The following SYNE1 variants were observed in gnomAD, a reference collection of about 807,000 sequenced individuals.
SYNE1 encodes nesprin-1.
Under a neutral mutation model 1,111.0 loss-of-function variants are expected in SYNE1, and 616 were observed. The observed-to-expected ratio is 0.55, with a 90% CI of 0.52 to 0.59. The LOEUF (loss-of-function observed/expected upper bound fraction) is 0.59. Among genes scored for constraint, SYNE1 ranks in the 20% least tolerant of loss-of-function variants. The pLI is 0.00. For synonymous variants in SYNE1, 3,855 were observed against 3,825.8 expected (o/e 1.01, Z -0.28); for missense variants, 10,006 against 10,417.0 (o/e 0.96, Z 1.72).
At position 152,381,111 on chromosome 6, in the gene SYNE1, G is replaced by A. The variant is rs759151303; in HGVS notation, c.8904C>T (p.Ala2968=). Reference sequence around the variant, plus strand: ...TCAGAAGGGCACTGAACTGTTCCAGGGCCTGCTCCAGTTGAGCCACTTGGC... The same window carrying A: ...TCAGAAGGGCACTGAACTGTTCCAGAGCCTGCTCCAGTTGAGCCACTTGGC... ...FSGQVAQLEQ[A]LEQFSALLKT... The change falls in exon 56 of 146, where the codon GCC becomes GCT. Residue 2968 remains alanine (A), a synonymous_variant. Transcript: ENST00000367255. 1 of 1,614,156 alleles carries A rather than the reference G, an allele frequency of 6.2e-7. No homozygotes were observed. Among genetic ancestry groups the A allele is most frequent in the Non-Finnish European group, 8.5e-7 (1 of 1,180,034 alleles).
At position 152,224,489 on chromosome 6, in the gene SYNE1, C is replaced by T. The variant is rs950850588; in HGVS notation, c.21522+5G>A. 2 of 1,613,608 alleles carry T rather than the reference C, an allele frequency of 1.2e-6. No homozygotes were observed. Among genetic ancestry groups the T allele is most frequent in the African/African-American group, 2.7e-5 (2 of 74,990 alleles). ...CGTTAAGGATGTGTTAAATTAATTC[C>T]TTACCTGAAGATTGTCCACCTGAAC... On this transcript the variant is annotated splice_donor_5th_base_variant and intron_variant, in intron 117 of 145. Coordinates refer to ENST00000367255, the MANE Select transcript of SYNE1 (RefSeq NM_182961.4).
At chr6:152,553,090 A>G (rs1453890932) in intron 3 of SYNE1, among the ~76,000 whole-genome samples, 8 of 152,232 alleles carry the variant, frequency 5.3e-5, no homozygotes, top group East Asian at 1.9e-4. Flanking sequence ...ATATTATCTA[A>G]TTAAAACTTT....
intron 51 of SYNE1, among the ~76,000 whole-genome samples, chr6:152,394,775 T>C (rs2154139475): frequency 6.8e-6 from 1 of 147,622 alleles, no homozygotes; most frequent in Non-Finnish European, 1.5e-5. Context: ...GTACTCTTTT[T>C]TTTTTCTTTT....
At chr6:152,353,131 T>C in intron 69 of SYNE1, 132 bp downstream of exon 69, 4 of 1,247,910 alleles carry the variant, frequency 3.2e-6, no homozygotes, top group South Asian at 1.3e-5. Context: ...GTATTTCAAG[T>C]AAAATGATGA....
chr6:152,489,122 T>C (rs915455623), intron 11 of SYNE1, among the ~76,000 whole-genome samples: 3 of 152,156 alleles, frequency 2.0e-5, no homozygotes, highest in Non-Finnish European at 2.9e-5. Flanking sequence ...AAATGAAAAA[T>C]AAAATTGGGA....
intron 8 of SYNE1, among the ~76,000 whole-genome samples, chr6:152,508,320 C>T (rs1158855633): frequency 1.3e-5 from 2 of 152,066 alleles, no homozygotes; most frequent in African/African-American, 4.8e-5. Context: ...GGTGGAGAAC[C>T]CTCAGGCCCA....
intron 102 of SYNE1, 88 bp downstream of exon 102, chr6:152,256,546 C>T: frequency 6.4e-7 from 1 of 1,572,072 alleles, no homozygotes. Context: ...GGGGTGGATG[C>T]AACAGTCTCA....
chr6:152,367,521 T>C (rs1365457113), intron 61 of SYNE1, 139 bp from the exon 62 acceptor site: 15 of 927,672 alleles, frequency 1.6e-5, no homozygotes, highest in African/African-American at 3.2e-5. Context: ...CCTAAATCTA[T>C]GAGATATGTT....
At chr6:152,358,155 T>C (rs2096870423) in intron 66 of SYNE1, among the ~76,000 whole-genome samples, 1 of 152,186 alleles carries the variant, frequency 6.6e-6, no homozygotes, top group Admixed American at 6.5e-5. Context: ...ATCCCCCAAG[T>C]GCTAGTCCTG....
In SYNE1 at chr6:152,295,684, A is replaced by G. The variant is rs537441563; in HGVS notation, c.17683-1557T>C. Among the ~76,000 whole-genome samples, 3 of 152,196 alleles carry G rather than the reference A, an allele frequency of 2.0e-5. No individual in the cohort carries two copies. The East Asian group carries it at 5.8e-4, about 29-fold the overall frequency. The stretch of plus-strand genomic sequence containing the variant: ...CATACACATGCAATCCAAGCTGTCA[A>G]GGAGATACTGCAACTTCTCAAATTT... On this transcript the variant is annotated intron_variant, in intron 93 of 145. Transcript: ENST00000367255.
At position 152,135,148 on chromosome 6, in the gene SYNE1, T is replaced by G; in HGVS notation, c.25744A>C (p.Asn8582His). 1.2e-6 allele frequency: 2 copies of G among 1,614,176 alleles called. No individual in the cohort carries two copies. Among genetic ancestry groups the G allele is most frequent in the Non-Finnish European group, 1.7e-6 (2 of 1,180,016 alleles). ...RKNEIVPIDS[N>H]LDAEILQDHH... ...TCCTGAAGTATCTCTGCATCAAGGT[T>G]AGAATCAATAGGGACAATTTCATTT... is the stretch of plus-strand genomic sequence containing the variant. The change falls in exon 142 of 146, where the codon AAC (asparagine) becomes CAC (histidine). Residue 8582 changes from asparagine to histidine, a missense_variant. Transcript: ENST00000367255.
chr6:152,527,953 G>A (rs975459960), intron 4 of SYNE1, among the ~76,000 whole-genome samples: 5 of 152,048 alleles, frequency 3.3e-5, no homozygotes, highest in African/African-American at 7.2e-5. Context: ...CCCTCCAGCT[G>A]TTCCCTCCAC....
chr6:152,455,310 C>T (rs2098688098), intron 24 of SYNE1, 116 bp downstream of exon 24: 3 of 1,163,576 alleles, frequency 2.6e-6, no homozygotes, highest in South Asian at 3.2e-5. Flanking sequence ...TCTCTGCTTC[C>T]CTGACTCATC....
At chr6:152,298,346 T>A (rs2094991520) in intron 93 of SYNE1, among the ~76,000 whole-genome samples, 1 of 152,182 alleles carries the variant, frequency 6.6e-6, no homozygotes, top group South Asian at 2.1e-4. Flanking sequence ...TATTCCTCCC[T>A]CAACTCTTCT....
In SYNE1 at chr6:152,455,351, T is replaced by A. The variant is rs905580013; in HGVS notation, c.2892+75A>T. 1.6e-5 allele frequency: 24 copies of A among 1,508,544 alleles called. No individual in the cohort carries two copies. The Admixed American group carries it at 1.8e-4, about 11-fold the overall frequency. 93.4% of individuals were successfully genotyped at this position (1,508,544 alleles called of 1,614,324 possible). A position where few individuals can be genotyped will look rare whatever the true frequency, so the allele number is the denominator to read the frequency against. On this transcript the variant is annotated intron_variant, in intron 24 of 145. Transcript: ENST00000367255. ...GCTCTCCTTCTGTATCAGATCAGCA[T>A]GCCTTTTTTAAGCTTTCCTCCAAGG...
At chr6:152,123,215 G>A (rs1263827554) in intron 145 of SYNE1, among the ~76,000 whole-genome samples, 1 of 152,124 alleles carries the variant, frequency 6.6e-6, no homozygotes, top group African/African-American at 2.4e-5. Flanking sequence ...ATTAATCATA[G>A]AGCATACCCT....
chr6:152,401,008 C>T (rs2097804768), intron 47 of SYNE1, 130 bp downstream of exon 47: 1 of 850,248 alleles, frequency 1.2e-6, no homozygotes, highest in Non-Finnish European at 1.9e-6. Context: ...TGTTCAATGT[C>T]ATAAATAAGT....
intron 4 of SYNE1, among the ~76,000 whole-genome samples, chr6:152,528,902 G>T (rs2099180692): frequency 6.6e-6 from 1 of 152,112 alleles, no homozygotes; most frequent in Admixed American, 6.6e-5. Context: ...AAAAATTAAT[G>T]TTAATACCAT....
At chr6:152,617,921 A>G (rs1368219191) in intron 3 of SYNE1, among the ~76,000 whole-genome samples, 1 of 152,154 alleles carries the variant, frequency 6.6e-6, no homozygotes, top group East Asian at 1.9e-4. Flanking sequence ...TGTTCGGGGG[A>G]TTGCAACACC....
Sources: allele counts gnomAD v4.1 joint callset (sites outside exome capture counted in the v4.1 genomes callset), GRCh38; gene constraint gnomAD v4.1.1; transcripts MANE v1.5; gene names NCBI Gene and HGNC (gene_info 2026-07-23, HGNC 2026-07-21).